Variants in B4GALT6 observed in about 807,000 individuals in gnomAD.
The protein encoded by B4GALT6 is UDP-Gal:beta-GlcNAc beta-1,4-galactosyltransferase 6.
A neutral mutation model predicts 46.3 loss-of-function variants in B4GALT6; 14 were observed. The observed-to-expected ratio is 0.30, with a 90% confidence interval of 0.20 to 0.47. The LOEUF (loss-of-function observed/expected upper bound fraction) is 0.47. Ranked by LOEUF, B4GALT6 falls within the 20% of genes least tolerant of loss-of-function variation. The pLI, the probability that B4GALT6 is intolerant of heterozygous loss-of-function variation, is 0.99. For synonymous variants in B4GALT6, 168 were observed against 162.0 expected (o/e 1.04, Z -0.28); for missense variants, 386 against 480.1 (o/e 0.80, Z 1.83).
intron 6 of B4GALT6, among the ~76,000 whole-genome samples, chr18:31,630,467 A>G (rs530874535): frequency 1.6e-3 from 238 of 152,114 alleles, no homozygotes; most frequent in Middle Eastern, 3.4e-3. Flanking sequence ...CACCTTAGGA[A>G]GAAGATAAAC....
intron 7 of B4GALT6, 86 bp from the exon 8 acceptor site, chr18:31,626,470 A>C: frequency 1.4e-6 from 1 of 712,912 alleles, no homozygotes; most frequent in Non-Finnish European, 2.2e-6. Flanking sequence ...ACACAAAAGA[A>C]TGCTCTAATC....
At position 31,624,889 on chromosome 18, in the gene B4GALT6, C is replaced by T. The variant is rs962416942; in HGVS notation, c.*725G>A. 1.3e-5 allele frequency: 2 copies of T among 152,544 alleles called. No homozygotes were observed. Among genetic ancestry groups the T allele is most frequent in the Admixed American group, 6.5e-5 (1 of 15,274 alleles). The allele number at this position is 152,544 out of a possible 1,614,324, so 9.4% of individuals were successfully genotyped here. A position where few individuals can be genotyped will look rare whatever the true frequency, so the allele number is the denominator to read the frequency against. The stretch of plus-strand genomic sequence containing the variant: ...GTAATACTCATGCAATATGCATAAA[C>T]AATATGGTTGTGATTTCTAGCAAAA... On this transcript the variant is annotated 3_prime_UTR_variant, in exon 9 of 9. Coordinates refer to ENST00000306851, the MANE Select transcript of B4GALT6 (RefSeq NM_004775.5).
At chr18:31,692,536 C>T in the B4GALT6 span, among the ~76,000 whole-genome samples, 1 of 101,820 alleles carries the variant, frequency 9.8e-6, no homozygotes, top group African/African-American at 3.6e-5. Context: ...TATGATTAAA[C>T]AATTTCTGAT....
chr18:31,696,664 C>T, the B4GALT6 span, among the ~76,000 whole-genome samples: 1 of 152,166 alleles, frequency 6.6e-6, no homozygotes, highest in Non-Finnish European at 1.5e-5. Flanking sequence ...GTTTTAAACA[C>T]CATCAAATTG....
At chr18:31,675,336 A>T (rs1426145622) in intron 1 of B4GALT6, among the ~76,000 whole-genome samples, 1 of 152,234 alleles carries the variant, frequency 6.6e-6, no homozygotes, top group African/African-American at 2.4e-5. Context: ...GCCGTTTACC[A>T]AGCAATGCCA....
chr18:31,709,692 G>C, the B4GALT6 span, among the ~76,000 whole-genome samples: 1 of 151,330 alleles, frequency 6.6e-6, no homozygotes. Context: ...ACTAATAAGT[G>C]GGAAAATGAT....
At chr18:31,639,622 A>G (rs1199034640) in intron 4 of B4GALT6, among the ~76,000 whole-genome samples, 1 of 152,228 alleles carries the variant, frequency 6.6e-6, no homozygotes, top group Non-Finnish European at 1.5e-5. Flanking sequence ...GTAACAAACC[A>G]TAACAAGAAA....
chr18:31,622,281 A>T lies in B4GALT6; in HGVS notation c.*3333T>A, dbSNP rs927789054. On this transcript the variant is annotated 3_prime_UTR_variant, in exon 9 of 9. Coordinates refer to ENST00000306851, the MANE Select transcript of B4GALT6 (RefSeq NM_004775.5). ...ATTATATTTCATAAAAGACAATGAT[A>T]AAAAAGTACAAACATTTCCATGAGA... is the stretch of plus-strand genomic sequence containing the variant. 6.6e-6 allele frequency: 1 copy of T among 152,104 alleles called. No homozygotes were observed. Among genetic ancestry groups the T allele is most frequent in the African/African-American group, 2.4e-5 (1 of 41,446 alleles). The allele number at this position is 152,104 out of a possible 1,614,324, so 9.4% of individuals were successfully genotyped here.
At chr18:31,697,793 GT>G in the B4GALT6 span, among the ~76,000 whole-genome samples, 1 of 151,960 alleles carries the variant, frequency 6.6e-6, no homozygotes, top group African/African-American at 2.4e-5. Flanking sequence ...AGGTTGATGG[GT>G]TTTTTTCCCC....
In B4GALT6 at chr18:31,625,625, C is replaced by A. The variant is rs758183089; in HGVS notation, c.1138G>T (p.Glu380Ter). The A allele has an allele frequency of 6.2e-7, 1 of 1,612,914 alleles. No homozygotes were observed. Among genetic ancestry groups the A allele is most frequent in the Admixed American group, 1.7e-5 (1 of 59,774 alleles). Reference sequence around the variant, plus strand: ...GACAGCCACTTCTTTTAATAGTCTTCGATTGGAGCTAACTCTGGCATGAGG... The same window carrying A: ...GACAGCCACTTCTTTTAATAGTCTTAGATTGGAGCTAACTCTGGCATGAGG... The part of the protein sequence containing the change: ...VNLMPELAPI[E>*]DY Residue 380 changes from glutamate to a stop codon, truncating the protein, a stop_gained, in exon 9 of 9, where the codon GAA becomes TAA. Transcript: ENST00000306851. LOFTEE classifies it high-confidence loss of function.
At chr18:31,724,006 C>A in the B4GALT6 span, among the ~76,000 whole-genome samples, 1 of 152,056 alleles carries the variant, frequency 6.6e-6, no homozygotes, top group Non-Finnish European at 1.5e-5. Flanking sequence ...ACCGCAGACC[C>A]CGCGGCCCAA....
At position 31,645,383 on chromosome 18, in the gene B4GALT6, C is replaced by T. The variant is rs1207460785; in HGVS notation, c.443G>A (p.Arg148Lys). Reference protein sequence around the residue: ...DLDIEPGGHWRPKDCKPRWKV... With the variant: ...DLDIEPGGHWKPKDCKPRWKV... ...CCATCTGGGTTTACAGTCTTTTGGCCTCCAATGACCCCCTGGCTCAATATC... is the reference window on the plus strand; with the variant it reads ...CCATCTGGGTTTACAGTCTTTTGGCTTCCAATGACCCCCTGGCTCAATATC... The change falls in exon 4 of 9, where the codon AGG becomes AAG. Residue 148 changes from arginine (R) to lysine (K), a missense_variant. By Grantham distance (26) the Arg-to-Lys change is conservative (BLOSUM62 2). Transcript: ENST00000306851. 6.2e-7 allele frequency: 1 copy of T among 1,613,684 alleles called. No individual in the cohort carries two copies. Among genetic ancestry groups the T allele is most frequent in the Admixed American group, 1.7e-5 (1 of 59,904 alleles).
chr18:31,719,819 G>T, the B4GALT6 span, among the ~76,000 whole-genome samples: 1 of 152,092 alleles, frequency 6.6e-6, no homozygotes, highest in Non-Finnish European at 1.5e-5. Flanking sequence ...AGAACTGGTC[G>T]AGCCAGATTA....
rs2073980215 is a variant in B4GALT6, at chr18:31,645,423, A to G, written c.403T>C (p.Phe135Leu). ...GGCTCAATATCTAAATCCTTGGAGAAGAGTTGATGAATTTCATCAAAACTG... is the reference window on the plus strand; with the variant it reads ...GGCTCAATATCTAAATCCTTGGAGAGGAGTTGATGAATTTCATCAAAACTG... ...EVSFDEIHQLFSKDLDIEPGG... is the reference protein window; with the variant it reads ...EVSFDEIHQLLSKDLDIEPGG... Residue 135 changes from phenylalanine (F) to leucine (L), a missense_variant, in exon 4 of 9, where the codon TTC (phenylalanine) becomes CTC (leucine). This residue lies in a region of B4GALT6 where 323 missense variants were observed against 438.9 expected (regional missense o/e 0.74). Transcript: ENST00000306851. 6.2e-7 allele frequency: 1 copy of G among 1,613,726 alleles called. No homozygotes were observed. The highest frequency in any genetic ancestry group is 1.3e-5 in the African/African-American group (1 of 74,930).
the B4GALT6 span, among the ~76,000 whole-genome samples, chr18:31,699,436 C>T: frequency 6.6e-5 from 10 of 151,946 alleles, 1 homozygote; most frequent in South Asian, 2.1e-3. Context: ...CCACGCCTGG[C>T]TAATTTTTTG....
chr18:31,710,814 C>CCACACACACACA, the B4GALT6 span, among the ~76,000 whole-genome samples: 10,894 of 140,102 alleles, frequency 0.078, 514 homozygotes, highest in Non-Finnish European at 0.085. Flanking sequence ...CCTGAATACA[C>CCACACACACACA]CACACACACA....
chr18:31,640,177 G>A (rs183397623), intron 4 of B4GALT6, among the ~76,000 whole-genome samples: 11 of 152,024 alleles, frequency 7.2e-5, no homozygotes, highest in Admixed American at 5.9e-4. Context: ...AATCTAAACT[G>A]GTTGTAACAG....
chr18:31,646,961 C>T (rs1479200127), intron 3 of B4GALT6, among the ~76,000 whole-genome samples: 1 of 152,202 alleles, frequency 6.6e-6, no homozygotes, highest in Non-Finnish European at 1.5e-5. Flanking sequence ...GATACACAAA[C>T]TAGCTAATCT....
At chr18:31,640,914 G>A (rs2073922565) in intron 4 of B4GALT6, among the ~76,000 whole-genome samples, 3 of 152,218 alleles carry the variant, frequency 2.0e-5, no homozygotes, top group African/African-American at 4.8e-5. Flanking sequence ...AAAAGTAAAA[G>A]GAGCAAAAGA....
Sources: allele counts gnomAD v4.1 joint callset (sites outside exome capture counted in the v4.1 genomes callset), GRCh38; gene constraint gnomAD v4.1.1; regional missense constraint gnomAD v4.1.1; transcripts MANE v1.5; gene names NCBI Gene and HGNC (gene_info 2026-07-23, HGNC 2026-07-21).